BMS1: variants seen among roughly 807,000 people sequenced by gnomAD.
BMS1 encodes BMS1 ribosome biogenesis factor.
A neutral mutation model predicts 138.7 loss-of-function variants in BMS1; 53 were observed. The observed-to-expected ratio is 0.38, with a 90% CI of 0.31 to 0.48. BMS1 has a LOEUF of 0.48. Ranked by LOEUF, BMS1 falls within the 20% of genes least tolerant of loss-of-function variation. The probability of loss-of-function intolerance (pLI) is 0.97; values close to 1 mark genes in which losing one functional copy is unlikely to be tolerated. For synonymous variants in BMS1, 504 were observed against 539.9 expected (o/e 0.93, Z 0.92); for missense variants, 1,360 against 1,565.5 (o/e 0.87, Z 2.22).
chr10:42,820,272 G>A lies in BMS1; in HGVS notation c.2617G>A (p.Ala873Thr), dbSNP rs935127500. ...RAEFEDQDDE[A>T]RVQYEGFRPG... Reference sequence around the variant, plus strand: ...AGAATTTGAAGATCAAGATGATGAAGCCAGAGTTCAGTATGAGGGTTTTCG... The same window carrying A: ...AGAATTTGAAGATCAAGATGATGAAACCAGAGTTCAGTATGAGGGTTTTCG... The change falls in exon 16 of 23, where the codon GCC becomes ACC. Residue 873 changes from alanine (A) to threonine (T), a missense_variant. Physicochemically the swap from Ala to Thr is moderately conservative, Grantham distance 58. This residue lies in a region of BMS1 where 425 missense variants were observed against 568.3 expected (regional missense o/e 0.75). Transcript: ENST00000374518. 1.9e-6 allele frequency: 3 copies of A among 1,613,206 alleles called. No individual in the cohort carries two copies. The African/African-American group carries it at 4.0e-5, about 22-fold the overall frequency.
chr10:42,812,529 C>T (rs576468995), intron 13 of BMS1, among the ~76,000 whole-genome samples: 83 of 152,304 alleles, frequency 5.4e-4, no homozygotes, highest in African/African-American at 1.3e-3. Flanking sequence ...GCAGATGTTA[C>T]GGTCACTTCC....
intron 21 of BMS1, among the ~76,000 whole-genome samples, chr10:42,825,504 C>T (rs1039295385): frequency 6.7e-6 from 1 of 150,328 alleles, no homozygotes; most frequent in African/African-American, 2.5e-5. Context: ...GTGTACACAT[C>T]TCTCACCTTC....
Position 42,826,239 on chromosome 10 carries a change from G to T in BMS1, c.3456+2455G>T, listed in dbSNP as rs1365129951. ...AGTTGACCTGTAGTTTTTGTTTGTT[G>T]TGTGTGTGTGTGTGTGTGTGTGTGT... On this transcript the variant is annotated intron_variant, in intron 21 of 22. Coordinates refer to ENST00000374518, the MANE Select transcript of BMS1 (RefSeq NM_014753.4). 4.3e-3 allele frequency among the ~76,000 whole-genome samples: 34 copies of T among 7,824 alleles called. 1 individual carries two copies. Among genetic ancestry groups the T allele is most frequent in the African/African-American group, 7.7e-3 (32 of 4,164 alleles). 5.1% of individuals were successfully genotyped at this position (7,824 alleles called of 152,430 possible).
At chr10:42,799,500 G>A (rs1220989999) in intron 12 of BMS1, among the ~76,000 whole-genome samples, 2 of 152,118 alleles carry the variant, frequency 1.3e-5, no homozygotes, top group Non-Finnish European at 2.9e-5. Context: ...TTCTCACAGA[G>A]GCCCAATTGC....
intron 15 of BMS1, 64 bp downstream of exon 15, chr10:42,817,558 CTTTG>C (rs1842384716): frequency 2.7e-6 from 4 of 1,502,476 alleles, no homozygotes; most frequent in Non-Finnish European, 3.6e-6. Flanking sequence ...GAATCCCTGA[CTTTG>C]TTTGGGTCCC....
At chr10:42,807,411 TG>T (rs1842044043) in intron 13 of BMS1, among the ~76,000 whole-genome samples, 1 of 152,216 alleles carries the variant, frequency 6.6e-6, no homozygotes, top group South Asian at 2.1e-4. Flanking sequence ...CTCCATTGTA[TG>T]GATGTACCGG....
intron 5 of BMS1, 59 bp downstream of exon 5, chr10:42,790,570 G>A (rs1404801550): frequency 1.9e-6 from 3 of 1,567,734 alleles, no homozygotes; most frequent in East Asian, 4.6e-5. Context: ...ATAGACTGAA[G>A]AGGCCGGGTG....
At position 42,790,366 on chromosome 10, in the gene BMS1, C is replaced by T. The variant is rs762847559; in HGVS notation, c.491C>T (p.Thr164Met). ...IDASFGFEME[T>M]FEFLNICQVH... ...GCCAGCTTTGGGTTTGAAATGGAAA[C>T]GTTTGAGTTTCTAAACATCTGTCAA... The change falls in exon 5 of 23, where the codon ACG (threonine) becomes ATG (methionine). Residue 164 changes from threonine to methionine, a missense_variant. Physicochemically the swap from Thr to Met is moderately conservative, Grantham distance 81. Transcript: ENST00000374518. 14 of 1,613,696 alleles carry T rather than the reference C, an allele frequency of 8.7e-6. No homozygotes were observed. The highest frequency in any genetic ancestry group is 3.3e-5 in the South Asian group (3 of 91,076).
intron 21 of BMS1, among the ~76,000 whole-genome samples, chr10:42,827,848 C>G (rs575601088): frequency 6.6e-6 from 1 of 152,194 alleles, no homozygotes; most frequent in South Asian, 2.1e-4. Context: ...TTGATCGGCC[C>G]CTTGCTGGCA....
chr10:42,815,390 T>C (rs958032687), intron 13 of BMS1, among the ~76,000 whole-genome samples: 13 of 152,332 alleles, frequency 8.5e-5, no homozygotes, highest in African/African-American at 3.1e-4. Context: ...AAAATAAAGT[T>C]CTGGTGCATT....
chr10:42,813,184 G>C (rs1420902610), intron 13 of BMS1, among the ~76,000 whole-genome samples: 1 of 152,178 alleles, frequency 6.6e-6, no homozygotes, highest in East Asian at 1.9e-4. Context: ...AGGTCCTTAA[G>C]TGAGTTTGAA....
At position 42,790,387 on chromosome 10, in the gene BMS1, G is replaced by A; in HGVS notation, c.512G>A (p.Cys171Tyr). Residue 171 changes from cysteine (C) to tyrosine (Y), a missense_variant, in exon 5 of 23, where the codon TGT (cysteine) becomes TAT (tyrosine). Physicochemically the swap from Cys to Tyr is radical, Grantham distance 194. Around this residue, in one of 3 missense-constraint regions of BMS1, gnomAD observed 238 missense variants for 311.1 expected, o/e 0.77. Transcript: ENST00000374518. Reference sequence around the variant, plus strand: ...GAAACGTTTGAGTTTCTAAACATCTGTCAAGTACATGGCTTTCCTAAAATT... The same window carrying A: ...GAAACGTTTGAGTTTCTAAACATCTATCAAGTACATGGCTTTCCTAAAATT... ...EMETFEFLNI[C>Y]QVHGFPKIMG... is the part of the protein sequence containing the mutation. 6.2e-7 allele frequency: 1 copy of A among 1,613,896 alleles called. No homozygotes were observed. The highest frequency in any genetic ancestry group is 1.1e-5 in the South Asian group (1 of 91,074).
chr10:42,797,299 A>G (rs894025169), intron 10 of BMS1, 68 bp downstream of exon 10: 2 of 1,576,524 alleles, frequency 1.3e-6, no homozygotes, highest in East Asian at 2.2e-5. Flanking sequence ...AGGAATGTCT[A>G]CATTTAGGGG....
intron 13 of BMS1, among the ~76,000 whole-genome samples, chr10:42,813,116 T>TA (rs754990861): frequency 6.6e-6 from 1 of 152,184 alleles, no homozygotes; most frequent in East Asian, 1.9e-4. Context: ...CCTGCTTCCT[T>TA]AAAAAATTAA....
chr10:42,818,452 A>G (rs1001117282), intron 15 of BMS1, among the ~76,000 whole-genome samples: 2 of 152,240 alleles, frequency 1.3e-5, no homozygotes, highest in African/African-American at 4.8e-5. Context: ...GGCACAAACC[A>G]GAAGGCTGGC....
rs1284421203 is a variant in BMS1 at position 42,831,047 on chromosome 10, G to C, written c.3800G>C (p.Arg1267Thr). The change falls in exon 23 of 23, where the codon AGA becomes ACA. Residue 1267 changes from arginine to threonine, a missense_variant. Physicochemically the swap from Arg to Thr is moderately conservative, Grantham distance 71. Coordinates refer to ENST00000374518, the MANE Select transcript of BMS1 (RefSeq NM_014753.4). ...KLFRIQGQKERRNQKSSLKGA... is the reference protein window; with the variant it reads ...KLFRIQGQKETRNQKSSLKGA... Reference sequence around the variant, plus strand: ...TTCAGAATTCAGGGGCAGAAGGAAAGAAGAAACCAGAAGTCCAGTTTGAAG... The same window carrying C: ...TTCAGAATTCAGGGGCAGAAGGAAACAAGAAACCAGAAGTCCAGTTTGAAG... 1.9e-6 allele frequency: 3 copies of C among 1,582,080 alleles called. No individual in the cohort carries two copies. In the East Asian group the frequency reaches 6.8e-5, roughly 36 times the overall value.
At chr10:42,827,615 A>T (rs1842686199) in intron 21 of BMS1, among the ~76,000 whole-genome samples, 1 of 152,072 alleles carries the variant, frequency 6.6e-6, no homozygotes. Context: ...CCTTATCCCC[A>T]CAGGGAGACA....
intron 15 of BMS1, among the ~76,000 whole-genome samples, chr10:42,819,845 G>T (rs555341895): frequency 1.3e-5 from 2 of 152,162 alleles, no homozygotes; most frequent in Non-Finnish European, 1.5e-5. Context: ...AGGCTGGAGT[G>T]CAGTGGCACG....
chr10:42,804,221 G>A (rs761177990), intron 13 of BMS1, among the ~76,000 whole-genome samples: 3 of 152,074 alleles, frequency 2.0e-5, no homozygotes, highest in South Asian at 2.1e-4. Flanking sequence ...GTGAACCACC[G>A]CTTTTATTTC....
Sources: gnomAD v4.1 joint callset for allele counts (sites outside exome capture counted in the v4.1 genomes callset) on GRCh38, gnomAD v4.1.1 for gene constraint, gnomAD v4.1.1 regional missense constraint, MANE v1.5 for transcripts, NCBI Gene and HGNC (gene_info 2026-07-23, HGNC 2026-07-21) for gene names.